Variants in AKT3 observed in about 807,000 individuals in gnomAD.
AKT3 encodes the protein RAC-gamma serine/threonine-protein kinase.
AKT3 carries 15 observed loss-of-function variants against 65.3 expected under a neutral mutation model. That is an observed-to-expected ratio of 0.23 (90% CI 0.15 to 0.35). The LOEUF (loss-of-function observed/expected upper bound fraction) is 0.35, where lower values mean the gene tolerates loss of function less well. Ranked by LOEUF, AKT3 falls within the 10% of genes least tolerant of loss-of-function variation. The pLI, the probability that AKT3 is intolerant of heterozygous loss-of-function variation, is 1.00. For missense variants in AKT3, 243 were observed against 576.5 expected (o/e 0.42, Z 5.92); for synonymous variants, 206 against 183.8 (o/e 1.12, Z -0.98).
At chr1:243,498,474 C>G (rs1335486743), downstream of AKT3, among the ~76,000 whole-genome samples, 1 of 152,160 alleles carries the variant, frequency 6.6e-6, no homozygotes, top group African/African-American at 2.4e-5. Context: ...GGCCTCCTGC[C>G]GGAGCCCCAC....
In AKT3 at chr1:243,843,347, C is replaced by T. The variant is rs867182433; in HGVS notation, c.-112-65G>A. ...TTGCAACTCACAGAGCAATAACAAA[C>T]AACTAATTCTTTGTAAATGTCTTCA... On this transcript the variant is annotated intron_variant, in intron 1 of 13. Transcript: ENST00000673466. 89 of 1,312,406 alleles carry T rather than the reference C, an allele frequency of 6.8e-5. 1 individual carries two copies. The Middle Eastern group carries it at 4.9e-3, about 73-fold the overall frequency. The allele number at this position is 1,312,406 out of a possible 1,614,324, so 81.3% of individuals were successfully genotyped here.
chr1:243,567,805 A>G (rs1674277707), intron 9 of AKT3, among the ~76,000 whole-genome samples: 1 of 152,194 alleles, frequency 6.6e-6, no homozygotes. Context: ...ATAAATCAGG[A>G]GATAATAAAA....
At chr1:243,770,910 GC>G (rs1418049452) in intron 2 of AKT3, among the ~76,000 whole-genome samples, 2 of 152,212 alleles carry the variant, frequency 1.3e-5, no homozygotes, top group African/African-American at 4.8e-5. Context: ...AAATTTAAAA[GC>G]TGGAGAGCAG....
chr1:243,729,302 C>T (rs1036926062), intron 2 of AKT3, among the ~76,000 whole-genome samples: 7 of 151,816 alleles, frequency 4.6e-5, no homozygotes, highest in Non-Finnish European at 8.8e-5. Context: ...CTTTATATGC[C>T]GGTGTGAATG....
intron 11 of AKT3, chr1:243,547,976 C>T (rs1672791817): frequency 6.6e-6 from 1 of 152,146 alleles, no homozygotes; most frequent in Non-Finnish European, 1.5e-5. Flanking sequence ...TCAGTGAGAG[C>T]TCAGCATTTC....
intron 8 of AKT3, among the ~76,000 whole-genome samples, chr1:243,587,294 C>T (rs1338381813): frequency 6.6e-6 from 1 of 152,164 alleles, no homozygotes; most frequent in Non-Finnish European, 1.5e-5. Context: ...TCGGTAGTTG[C>T]TCTCCTAGAA....
intron 2 of AKT3, among the ~76,000 whole-genome samples, chr1:243,720,429 TAAAAAAAAAA>T (rs66716743): frequency 1.0e-5 from 1 of 96,044 alleles, no homozygotes; most frequent in Admixed American, 9.6e-5. Context: ...AAAGACATAG[TAAAAAAAAAA>T]AAAAAAAAAA....
intron 2 of AKT3, among the ~76,000 whole-genome samples, chr1:243,704,292 C>G (rs1384877631): frequency 6.6e-6 from 1 of 152,126 alleles, no homozygotes; most frequent in Admixed American, 6.6e-5. Flanking sequence ...TGTACAAGTA[C>G]TAAGAAGGCA....
chr1:243,683,167 T>C (rs1684043033), intron 3 of AKT3, among the ~76,000 whole-genome samples: 1 of 152,136 alleles, frequency 6.6e-6, no homozygotes, highest in African/African-American at 2.4e-5. Context: ...CCACTCTGAG[T>C]TCCTTTAAAA....
intron 12 of AKT3, among the ~76,000 whole-genome samples, chr1:243,539,934 T>A (rs1463440497): frequency 6.6e-6 from 1 of 152,106 alleles, no homozygotes; most frequent in African/African-American, 2.4e-5. Flanking sequence ...TTAAATAAAT[T>A]GAATTCACAG....
In AKT3 at chr1:243,633,345, CA is replaced by C. The variant is rs1679745733; in HGVS notation, c.561+4265del. On this transcript the variant is annotated intron_variant, in intron 6 of 13. Transcript: ENST00000673466. Reference sequence around the variant, plus strand: ...TAAAGATCTGGTAAAGCTAAATACACAAAAAAATATAAAAGCTAGTATTACT... The same window carrying C: ...TAAAGATCTGGTAAAGCTAAATACACAAAAAATATAAAAGCTAGTATTACT... 3.3e-5 allele frequency among the ~76,000 whole-genome samples: 5 copies of C among 151,922 alleles called. No homozygotes were observed. The South Asian group carries it at 8.3e-4, about 25-fold the overall frequency.
chr1:243,513,841 C>A (rs1156795065), intron 12 of AKT3, among the ~76,000 whole-genome samples: 1 of 152,036 alleles, frequency 6.6e-6, no homozygotes, highest in Admixed American at 6.5e-5. Context: ...TTGTGCCAGA[C>A]CATATTTCTT....
At chr1:243,803,645 TACACAC>T (rs72379577) in intron 2 of AKT3, among the ~76,000 whole-genome samples, 49,033 of 136,426 alleles carry the variant, frequency 0.36, 9,045 homozygotes, top group Admixed American at 0.48. Flanking sequence ...GACGTACATG[TACACAC>T]ACACACACAC....
chr1:243,743,700 T>C (rs1688306126), intron 2 of AKT3, among the ~76,000 whole-genome samples: 1 of 152,180 alleles, frequency 6.6e-6, no homozygotes, highest in Admixed American at 6.5e-5. Flanking sequence ...ACTTCATTAG[T>C]TATCAGGGGA....
intron 2 of AKT3, among the ~76,000 whole-genome samples, chr1:243,699,084 A>T (rs895780408): frequency 4.6e-5 from 7 of 152,164 alleles, no homozygotes; most frequent in African/African-American, 1.7e-4. Flanking sequence ...ATATGGACAG[A>T]AAGTCCTAGC....
At chr1:243,660,703 G>C (rs320336) in intron 4 of AKT3, among the ~76,000 whole-genome samples, 145,472 of 152,274 alleles carry the variant, frequency 0.96, 69,528 homozygotes, top group East Asian at 1. Context: ...GTTGGAAGTT[G>C]TGGCCAGGGC....
At chr1:243,612,187 C>A (rs921963359) in intron 8 of AKT3, among the ~76,000 whole-genome samples, 1 of 152,060 alleles carries the variant, frequency 6.6e-6, no homozygotes, top group South Asian at 2.1e-4. Flanking sequence ...TGGCTCACTG[C>A]AGCCTTGACC....
intron 1 of AKT3, among the ~76,000 whole-genome samples, chr1:243,844,507 T>C (rs1273740431): frequency 6.6e-6 from 1 of 152,112 alleles, no homozygotes; most frequent in Non-Finnish European, 1.5e-5. Flanking sequence ...GAGATGGGGT[T>C]TCCCCCCATC....
intron 6 of AKT3, among the ~76,000 whole-genome samples, chr1:243,631,062 T>G (rs1419527056): frequency 6.6e-6 from 1 of 152,132 alleles, no homozygotes; most frequent in East Asian, 1.9e-4. Context: ...CACACTAACT[T>G]TGTGGTGTCC....
Sources: allele counts gnomAD v4.1 joint callset (sites outside exome capture counted in the v4.1 genomes callset), GRCh38; gene constraint gnomAD v4.1.1; transcripts MANE v1.5; gene names NCBI Gene and HGNC (gene_info 2026-07-23, HGNC 2026-07-21).